The following DOCK3 variants were observed in gnomAD, a reference collection of about 807,000 sequenced individuals.
The protein encoded by DOCK3 is dedicator of cytokinesis protein 3.
In DOCK3, 60 loss-of-function variants were observed where a neutral mutation model predicts 265.6. The observed-to-expected ratio is 0.23, with a 90% CI of 0.18 to 0.28. The LOEUF is 0.28. Among genes scored for constraint, DOCK3 ranks in the 10% least tolerant of loss-of-function variants. The pLI is 1.00. For synonymous variants in DOCK3, 881 were observed against 938.0 expected (o/e 0.94, Z 1.11); for missense variants, 1,981 against 2,594.3 (o/e 0.76, Z 5.14).
At chr3:51,121,119 G>T (rs6796229) in intron 9 of DOCK3, among the ~76,000 whole-genome samples, 3,035 of 152,280 alleles carry the variant, frequency 0.02, 118 homozygotes, top group African/African-American at 0.069. Flanking sequence ...GGCCCTTGTT[G>T]TGTAGGCATC....
At chr3:51,278,017 C>T (rs562995320) in intron 26 of DOCK3, 104 of 985,242 alleles carry the variant, frequency 1.1e-4, no homozygotes, top group Middle Eastern at 1.0e-3. Flanking sequence ...TGAGCCAAGT[C>T]ATTTTCTATA....
intron 6 of DOCK3, among the ~76,000 whole-genome samples, chr3:51,071,750 T>C (rs888118815): frequency 6.6e-6 from 1 of 152,174 alleles, no homozygotes; most frequent in African/African-American, 2.4e-5. Context: ...GCTGTGAAGA[T>C]AGAGATCATG....
intron 1 of DOCK3, among the ~76,000 whole-genome samples, chr3:50,717,839 G>A (rs2037218968): frequency 6.6e-6 from 1 of 152,078 alleles, no homozygotes; most frequent in South Asian, 2.1e-4. Flanking sequence ...TGGCCAGGCT[G>A]GTCTCGAACT....
chr3:51,262,428 AC>A (rs2079907414), intron 23 of DOCK3, among the ~76,000 whole-genome samples: 1 of 151,802 alleles, frequency 6.6e-6, no homozygotes, highest in South Asian at 2.1e-4. Context: ...AACATCAAAC[AC>A]CAAAGGTAGA....
chr3:51,305,710 G>GTC (rs1335380167), intron 27 of DOCK3, among the ~76,000 whole-genome samples: 3 of 117,322 alleles, frequency 2.6e-5, no homozygotes, highest in African/African-American at 1.0e-4. Flanking sequence ...CTCAGTGTGT[G>GTC]TGTGTCTGTG....
chr3:51,195,500 C>G (rs925529336), intron 12 of DOCK3, among the ~76,000 whole-genome samples: 8 of 149,364 alleles, frequency 5.4e-5, no homozygotes, highest in African/African-American at 2.0e-4. Flanking sequence ...CTGCAGCCTC[C>G]ACTTCCTGGG....
At chr3:50,701,064 A>G (rs1325560166) in intron 1 of DOCK3, among the ~76,000 whole-genome samples, 2 of 150,668 alleles carry the variant, frequency 1.3e-5, no homozygotes, top group Non-Finnish European at 2.9e-5. Context: ...ATTTTTTCAT[A>G]CGCCAACTGG....
chr3:50,975,723 G>T (rs1191617375), intron 5 of DOCK3, among the ~76,000 whole-genome samples: 3 of 152,180 alleles, frequency 2.0e-5, no homozygotes, highest in African/African-American at 7.2e-5. Context: ...AATGGTACCA[G>T]TTCCTCCTTG....
intron 6 of DOCK3, among the ~76,000 whole-genome samples, chr3:51,067,484 G>A (rs6799213): frequency 0.06 from 8,994 of 149,010 alleles, 977 homozygotes; most frequent in African/African-American, 0.22. Flanking sequence ...GTATGTATAT[G>A]CATATCTTAA....
rs775651880 is a variant in DOCK3, at chr3:51,275,224, A to G, written c.2676+18A>G. The G allele has an allele frequency of 1.2e-6, 2 of 1,613,018 alleles. No homozygotes were observed. Among genetic ancestry groups the G allele is most frequent in the South Asian group, 1.1e-5 (1 of 91,024 alleles). On this transcript the variant is annotated intron_variant, in intron 25 of 52. Transcript: ENST00000266037. ...GCTCTCTGGTAGTGGCCCCACACCC[A>G]CTCCACCCTGTTCAGCTCTTCCCTA... is the stretch of plus-strand genomic sequence containing the variant.
intron 3 of DOCK3, among the ~76,000 whole-genome samples, chr3:50,887,240 T>C (rs972115988): frequency 5.3e-5 from 8 of 150,788 alleles, no homozygotes; most frequent in East Asian, 2.0e-4. Flanking sequence ...AACACCTCTA[T>C]GCAAATAAAC....
chr3:51,090,141 AAG>A, intron 8 of DOCK3, 87 bp from the exon 9 acceptor site: 1 of 1,337,044 alleles, frequency 7.5e-7, no homozygotes, highest in Admixed American at 2.6e-5. Flanking sequence ...GTAGTGTGAA[AAG>A]AGTTTGTAAT....
chr3:50,873,722 C>A (rs925809638), intron 3 of DOCK3, among the ~76,000 whole-genome samples: 1 of 152,196 alleles, frequency 6.6e-6, no homozygotes, highest in Non-Finnish European at 1.5e-5. Flanking sequence ...AAGTTCCAAT[C>A]ACTGAGATCA....
At chr3:51,161,360 C>T (rs1218685477) in intron 12 of DOCK3, among the ~76,000 whole-genome samples, 2 of 151,420 alleles carry the variant, frequency 1.3e-5, no homozygotes, top group Non-Finnish European at 1.5e-5. Context: ...AGGAGAATGG[C>T]GTGAACCTGG....
chr3:50,766,329 G>A (rs2040873552), intron 1 of DOCK3, among the ~76,000 whole-genome samples: 1 of 134,402 alleles, frequency 7.4e-6, no homozygotes, highest in South Asian at 2.3e-4. Flanking sequence ...ATGTCCAAGT[G>A]TTCTCATTGT....
At chr3:50,783,029 G>A (rs2042003654) in intron 2 of DOCK3, among the ~76,000 whole-genome samples, 1 of 149,382 alleles carries the variant, frequency 6.7e-6, no homozygotes, top group Non-Finnish European at 1.5e-5. Context: ...GTGTGTGTGT[G>A]TGTGTGTGTG....
chr3:51,260,359 G>A lies in DOCK3; in HGVS notation c.2355+33G>A, dbSNP rs977085686. 2.6e-6 allele frequency: 4 copies of A among 1,564,412 alleles called. No individual in the cohort carries two copies. The East Asian group carries it at 6.9e-5, about 27-fold the overall frequency. ...CACTGCAGGGAAGCTTTGATGCTGG[G>A]TTCCTCTTTCTCAGTGGGTGGTTTC... On this transcript the variant is annotated intron_variant, in intron 23 of 52. Coordinates refer to ENST00000266037, the MANE Select transcript of DOCK3 (RefSeq NM_004947.5).
chr3:50,984,359 A>G (rs1180058949), intron 5 of DOCK3, among the ~76,000 whole-genome samples: 1 of 152,200 alleles, frequency 6.6e-6, no homozygotes, highest in African/African-American at 2.4e-5. Context: ...GGTACATACC[A>G]TCCTTCCACT....
chr3:51,195,337 G>T (rs10212250), intron 12 of DOCK3, among the ~76,000 whole-genome samples: 138,862 of 152,246 alleles, frequency 0.91, 63,470 homozygotes, highest in African/African-American at 0.96. Context: ...TTTGCTGGAC[G>T]TCTGCAGTGG....
Sources: allele counts gnomAD v4.1 joint callset (sites outside exome capture counted in the v4.1 genomes callset), GRCh38; gene constraint gnomAD v4.1.1; transcripts MANE v1.5; gene names NCBI Gene and HGNC (gene_info 2026-07-23, HGNC 2026-07-21).